Variants in CLVS1 observed in about 807,000 individuals in gnomAD.
CLVS1 encodes the protein clavesin 1.
CLVS1 carries 10 observed loss-of-function variants against 33.1 expected under a neutral mutation model. That is an observed-to-expected ratio of 0.30 (90% CI 0.19 to 0.51). The LOEUF is 0.51. Ranked by LOEUF, CLVS1 falls within the 20% of genes least tolerant of loss-of-function variation. The pLI is 0.97. For missense variants in CLVS1, 343 were observed against 433.4 expected (o/e 0.79, Z 1.85); for synonymous variants, 163 against 166.1 (o/e 0.98, Z 0.14).
At chr8:61,067,427 T>C (rs1343984521) in intron 1 of CLVS1, among the ~76,000 whole-genome samples, 3 of 148,748 alleles carry the variant, frequency 2.0e-5, no homozygotes, top group Non-Finnish European at 3.0e-5. Flanking sequence ...TATATACTTA[T>C]AAGGATATAT....
chr8:61,165,353 CAG>C (rs1003866844), intron 2 of CLVS1, among the ~76,000 whole-genome samples: 6 of 152,216 alleles, frequency 3.9e-5, no homozygotes, highest in Admixed American at 1.3e-4. Flanking sequence ...AGAGTGAAAA[CAG>C]AGCTCCCATA....
intron 2 of CLVS1, among the ~76,000 whole-genome samples, chr8:61,198,291 T>C (rs543361785): frequency 1.3e-5 from 2 of 152,186 alleles, no homozygotes; most frequent in East Asian, 3.8e-4. Flanking sequence ...GTATAAGTGG[T>C]TTTTGATTAC....
intron 2 of CLVS1, among the ~76,000 whole-genome samples, chr8:61,172,135 G>T (rs565100658): frequency 3.3e-5 from 5 of 152,218 alleles, no homozygotes; most frequent in African/African-American, 1.2e-4. Context: ...TCACTTCAAC[G>T]TATCAATATA....
intron 1 of CLVS1, among the ~76,000 whole-genome samples, chr8:61,091,777 T>TAACA (rs1186827175): frequency 6.6e-6 from 1 of 152,152 alleles, no homozygotes; most frequent in Non-Finnish European, 1.5e-5. Flanking sequence ...GGAAAAAAAC[T>TAACA]AACAATGACA....
intron 5 of CLVS1, among the ~76,000 whole-genome samples, chr8:61,495,590 G>C (rs1043805180): frequency 6.6e-6 from 1 of 152,170 alleles, no homozygotes; most frequent in African/African-American, 2.4e-5. Context: ...TTGGAAACAT[G>C]AGGCAAATTC....
the CLVS1 span, among the ~76,000 whole-genome samples, chr8:61,000,404 G>T: frequency 1.3e-5 from 2 of 152,210 alleles, no homozygotes; most frequent in African/African-American, 2.4e-5. Context: ...GACAGCTAAG[G>T]TTGAAAGGGC....
intron 3 of CLVS1, among the ~76,000 whole-genome samples, chr8:61,384,590 C>T (rs1814010527): frequency 6.6e-6 from 1 of 152,068 alleles, no homozygotes; most frequent in African/African-American, 2.4e-5. Flanking sequence ...CTGGTGATAT[C>T]GTGCAGACAG....
At chr8:61,207,926 A>T (rs2129306604) in intron 2 of CLVS1, among the ~76,000 whole-genome samples, 1 of 152,316 alleles carries the variant, frequency 6.6e-6, no homozygotes, top group East Asian at 1.9e-4. Context: ...CCTTGGAAAG[A>T]TTTCTGACTG....
chr8:61,041,671 G>A, the CLVS1 span, among the ~76,000 whole-genome samples: 665 of 152,074 alleles, frequency 4.4e-3, 5 homozygotes, highest in African/African-American at 0.014. Context: ...TGCTCGCTTC[G>A]GCAGCACATA....
intron 1 of CLVS1, among the ~76,000 whole-genome samples, chr8:61,103,491 T>C (rs1805485264): frequency 6.6e-6 from 1 of 152,146 alleles, no homozygotes; most frequent in African/African-American, 2.4e-5. Flanking sequence ...TATAAGTAAA[T>C]ATCTTTGGGG....
intron 3 of CLVS1, among the ~76,000 whole-genome samples, chr8:61,450,226 A>G (rs186157459): frequency 1.7e-3 from 254 of 152,344 alleles, no homozygotes; most frequent in Non-Finnish European, 2.6e-3. Flanking sequence ...AACTGAGGGT[A>G]AACTTACCAC....
chr8:61,122,279 A>G (rs1805885823), intron 1 of CLVS1, among the ~76,000 whole-genome samples: 1 of 152,140 alleles, frequency 6.6e-6, no homozygotes. Context: ...GCAACCATAA[A>G]CTTTTTGGAT....
chr8:61,065,336 T>TC (rs1804657589), intron 1 of CLVS1, among the ~76,000 whole-genome samples: 2 of 152,218 alleles, frequency 1.3e-5, no homozygotes, highest in South Asian at 4.1e-4. Context: ...GATACAATCA[T>TC]CTTTTTTTTT....
chr8:61,491,977 G>A (rs1464497754), intron 5 of CLVS1, among the ~76,000 whole-genome samples: 6 of 152,198 alleles, frequency 3.9e-5, no homozygotes, highest in Non-Finnish European at 5.9e-5. Flanking sequence ...GGTTTTGTGA[G>A]TGTCAGTTTG....
At chr8:61,410,041 A>C (rs1242963749) in intron 3 of CLVS1, among the ~76,000 whole-genome samples, 1 of 101,554 alleles carries the variant, frequency 9.8e-6, no homozygotes, top group Non-Finnish European at 2.2e-5. Context: ...ATTTTCTTTC[A>C]TTTGTCCTGG....
the CLVS1 span, among the ~76,000 whole-genome samples, chr8:60,990,125 CAAAAAAAA>C: frequency 1.6e-4 from 6 of 38,278 alleles, no homozygotes; most frequent in East Asian, 1.7e-3. Flanking sequence ...ACTCCATCTC[CAAAAAAAA>C]AAAAAAAAAA....
intron 1 of CLVS1, among the ~76,000 whole-genome samples, chr8:61,113,268 C>A (rs16926869): frequency 0.2 from 29,705 of 151,958 alleles, 3,117 homozygotes; most frequent in Admixed American, 0.31. Context: ...AGAACAGCAG[C>A]GCAAAAATAG....
intron 2 of CLVS1, chr8:61,370,400 T>TC (rs1285554262): frequency 2.6e-5 from 4 of 152,244 alleles, no homozygotes; most frequent in African/African-American, 9.7e-5. Flanking sequence ...TCATTCTTTT[T>TC]TTTTTTTGAG....
At chr8:61,331,614 G>T (rs1232284035) in intron 2 of CLVS1, among the ~76,000 whole-genome samples, 1 of 150,574 alleles carries the variant, frequency 6.6e-6, no homozygotes, top group Non-Finnish European at 1.5e-5. Flanking sequence ...TGATCGTCCT[G>T]TCCTTCTCTG....
Sources: allele counts gnomAD v4.1 joint callset (sites outside exome capture counted in the v4.1 genomes callset), GRCh38; gene constraint gnomAD v4.1.1; transcripts MANE v1.5; gene names NCBI Gene and HGNC (gene_info 2026-07-23, HGNC 2026-07-21).